Variants in LITAF observed in about 807,000 individuals in gnomAD.
The protein encoded by LITAF is lipopolysaccharide induced TNF factor.
Under a neutral mutation model 14.5 loss-of-function variants are expected in LITAF, and 9 were observed. The ratio of observed to expected loss-of-function variants is 0.62; its 90% CI spans 0.37 to 1.08. The LOEUF (loss-of-function observed/expected upper bound fraction) is 1.08. Among genes scored for constraint, LITAF ranks in the 50% least tolerant of loss-of-function variants. LITAF has a pLI of 0.01. For synonymous variants in LITAF, 98 were observed against 88.2 expected, an observed-to-expected ratio of 1.11 and a Z score of -0.62; for missense variants, 206 against 213.4, an observed-to-expected ratio of 0.97 and a Z score of 0.22.
chr16:11,560,363 CA>C (rs981396483), intron 1 of LITAF, among the ~76,000 whole-genome samples: 1 of 149,548 alleles, frequency 6.7e-6, no homozygotes, highest in Non-Finnish European at 1.5e-5. Context: ...GTAATCCCAG[CA>C]CTTTGGGAGG....
intron 1 of LITAF, among the ~76,000 whole-genome samples, chr16:11,557,087 T>TTTTTTTGG (rs1555467033): frequency 1.9e-5 from 2 of 107,528 alleles, no homozygotes; most frequent in African/African-American, 7.0e-5. Context: ...TGTTTTTTTG[T>TTTTTTTGG]GGTTTTTTTG....
At chr16:11,625,891 G>A (rs1476523439) in intron 3 of LITAF, among the ~76,000 whole-genome samples, 1 of 151,974 alleles carries the variant, frequency 6.6e-6, no homozygotes, top group Non-Finnish European at 1.5e-5. Context: ...TCCTCACAAT[G>A]GTCCTACGAG....
chr16:11,622,966 ATATAT>A (rs1567266607), intron 3 of LITAF, among the ~76,000 whole-genome samples: 3 of 147,172 alleles, frequency 2.0e-5, no homozygotes, highest in Non-Finnish European at 4.5e-5. Flanking sequence ...ATATATATAT[ATATAT>A]AATTTTTTTT....
intron 1 of LITAF, among the ~76,000 whole-genome samples, chr16:11,572,146 T>G (rs1236275436): frequency 1.3e-5 from 2 of 151,896 alleles, no homozygotes; most frequent in African/African-American, 4.8e-5. Context: ...AAAATCCCCC[T>G]CCTGCCTTAG....
At position 11,632,192 on chromosome 16, in the gene LITAF, G is replaced by A. The variant is rs2065121448; in HGVS notation, c.85+1341C>T. ...TCGCAAAGAACCTATTTTCAAATCA[G>A]GTCACCTTCACAAGTGCTGGGAGTT... On this transcript the variant is annotated intron_variant, in intron 3 of 3. Coordinates refer to the LITAF transcript ENST00000574848. This position sits in a 1 kb window ranked among gnomAD's most constrained non-coding sequence, Gnocchi z 4.8. Among the ~76,000 whole-genome samples the A allele has an allele frequency of 6.6e-6, 1 of 152,122 alleles. No individual in the cohort carries two copies. The highest frequency in any genetic ancestry group is 2.4e-5 in the African/African-American group (1 of 41,430).
Position 11,553,671 on chromosome 16 carries a change from T to C in LITAF, c.239A>G (p.Tyr80Cys), listed in dbSNP as rs539627278. The part of the protein sequence containing the change: ...NNNPITVQTV[Y>C]VQHPITFLDR... ...CAAAAAGGTGATGGGGTGCTGCACG[T>C]AGACCGTCTGCACGGTAACTGATGA... The change falls in exon 3 of 4, where the codon TAC (tyrosine) becomes TGC (cysteine). Residue 80 changes from tyrosine to cysteine, a missense_variant. Transcript: ENST00000622633. This position sits in a 1 kb window ranked among gnomAD's most constrained non-coding sequence, Gnocchi z 7.7. 2.8e-5 allele frequency: 46 copies of C among 1,614,152 alleles called. No homozygotes were observed. The Middle Eastern group carries it at 6.6e-4, about 23-fold the overall frequency.
intron 3 of LITAF, among the ~76,000 whole-genome samples, chr16:11,611,755 C>T (rs917612683): frequency 7.2e-5 from 11 of 151,762 alleles, no homozygotes; most frequent in Non-Finnish European, 1.3e-4. Context: ...CTCCACCTCT[C>T]GGGTTCAAGT....
chr16:11,639,361 G>T (rs2065155254), upstream of LITAF, among the ~76,000 whole-genome samples: 1 of 147,200 alleles, frequency 6.8e-6, no homozygotes, highest in African/African-American at 2.5e-5. Flanking sequence ...GTGGGGGGAA[G>T]AATAAATGGG....
chr16:11,583,325 C>G (rs2064766461), intron 1 of LITAF, among the ~76,000 whole-genome samples: 1 of 152,138 alleles, frequency 6.6e-6, no homozygotes, highest in South Asian at 2.1e-4. Flanking sequence ...ATGCTTCCAT[C>G]GGGGAGTTGG....
upstream of LITAF, among the ~76,000 whole-genome samples, chr16:11,590,921 CAG>C (rs1466495257): frequency 2.6e-4 from 30 of 114,682 alleles, 9 homozygotes; most frequent in African/African-American, 1.2e-3. Flanking sequence ...TTAGTAGAGA[CAG>C]AGTTTCATCG....
At chr16:11,613,714 C>T (rs1028523017) in intron 3 of LITAF, among the ~76,000 whole-genome samples, 1 of 152,118 alleles carries the variant, frequency 6.6e-6, no homozygotes, top group African/African-American at 2.4e-5. Flanking sequence ...CACAGCCGGA[C>T]GGAGGGTGTG....
intron 1 of LITAF, among the ~76,000 whole-genome samples, chr16:11,580,510 C>G (rs2064715583): frequency 6.6e-6 from 1 of 152,184 alleles, no homozygotes; most frequent in African/African-American, 2.4e-5. Flanking sequence ...CCCACCTTGG[C>G]CTCCCAAAGT....
At chr16:11,629,655 G>A (rs1312208677) in intron 3 of LITAF, among the ~76,000 whole-genome samples, 4 of 152,200 alleles carry the variant, frequency 2.6e-5, no homozygotes, top group Non-Finnish European at 5.9e-5. Context: ...TTTTGGGGAA[G>A]GAGCTCATGG....
chr16:11,620,296 G>C (rs1032943101), intron 3 of LITAF, among the ~76,000 whole-genome samples: 1 of 152,180 alleles, frequency 6.6e-6, no homozygotes, highest in Non-Finnish European at 1.5e-5. Context: ...CCATCCCCTT[G>C]CTGATGAGTG....
upstream of LITAF, among the ~76,000 whole-genome samples, chr16:11,599,029 AG>A (rs2064911476): frequency 6.6e-6 from 1 of 151,906 alleles, no homozygotes; most frequent in African/African-American, 2.4e-5. Flanking sequence ...CATGTTGGCC[AG>A]GCTGGTTTCA....
chr16:11,588,070 G>A (rs950681724), upstream of LITAF, among the ~76,000 whole-genome samples: 2 of 152,112 alleles, frequency 1.3e-5, no homozygotes, highest in Admixed American at 1.3e-4. Context: ...TTGCCACCTT[G>A]CGCCATGTCC....
In LITAF at chr16:11,548,793, T is replaced by C. The variant is rs1445897580; in HGVS notation, c.*844A>G. On this transcript the variant is annotated 3_prime_UTR_variant, in exon 4 of 4. Transcript: ENST00000622633. ...GAGTTCGACACCAGCCTGGGCAACATAGTAAGACCCCATCTCTGTTTTTTT... is the reference window on the plus strand; with the variant it reads ...GAGTTCGACACCAGCCTGGGCAACACAGTAAGACCCCATCTCTGTTTTTTT... The C allele has an allele frequency of 8.8e-6, 4 of 453,124 alleles. No individual in the cohort carries two copies. The highest frequency in any genetic ancestry group is 6.2e-5 in the South Asian group (4 of 64,202). The allele number at this position is 453,124 out of a possible 1,614,324, so 28.1% of individuals were successfully genotyped here.
chr16:11,617,275 A>G (rs78265868), intron 3 of LITAF, among the ~76,000 whole-genome samples: 1 of 152,180 alleles, frequency 6.6e-6, no homozygotes, highest in East Asian at 1.9e-4. Flanking sequence ...AAAATCCATC[A>G]GTCCTTAATA....
At chr16:11,573,028 A>G (rs1033369744) in intron 1 of LITAF, among the ~76,000 whole-genome samples, 1 of 150,802 alleles carries the variant, frequency 6.6e-6, no homozygotes, top group African/African-American at 2.4e-5. Context: ...TCCCAGGTTC[A>G]AGCAATTCTC....
Sources: allele counts gnomAD v4.1 joint callset (sites outside exome capture counted in the v4.1 genomes callset), GRCh38; gene constraint gnomAD v4.1.1; non-coding constraint Gnocchi (gnomAD v3.1); transcripts MANE v1.5; gene names NCBI Gene and HGNC (gene_info 2026-07-23, HGNC 2026-07-21).